NAV3: variants seen among roughly 807,000 people sequenced by gnomAD.
NAV3 encodes pore membrane and/or filament interacting like protein 1.
A neutral mutation model predicts 244.7 loss-of-function variants in NAV3; 87 were observed. That is an observed-to-expected ratio of 0.36 (90% CI 0.30 to 0.42). The LOEUF (loss-of-function observed/expected upper bound fraction) is 0.42, where lower values mean the gene tolerates loss of function less well. Among genes scored for constraint, NAV3 ranks in the 20% least tolerant of loss-of-function variants. The pLI, the probability that NAV3 is intolerant of heterozygous loss-of-function variation, is 1.00. For missense variants in NAV3, 2,663 were observed against 2,893.3 expected (o/e 0.92, Z 1.83); for synonymous variants, 1,126 against 1,042.2 (o/e 1.08, Z -1.55).
chr12:78,013,744 A>T lies in NAV3; in HGVS notation c.1907+6299A>T, dbSNP rs1875703113. Among the ~76,000 whole-genome samples the T allele has an allele frequency of 3.3e-5, 5 of 152,234 alleles. No homozygotes were observed. In the South Asian group the frequency reaches 1.0e-3, roughly 32 times the overall value. ...ATGGATTGTTTGTGGGAGAGGTCAG[A>T]GTAGGATGAACCAGGTTAAATGTAT... On this transcript the variant is annotated intron_variant, in intron 8 of 39. Coordinates refer to ENST00000397909, the MANE Select transcript of NAV3 (RefSeq NM_001024383.2).
chr12:77,579,754 G>A (rs989064127), intron 2 of NAV3, among the ~76,000 whole-genome samples: 1 of 152,160 alleles, frequency 6.6e-6, no homozygotes, highest in Non-Finnish European at 1.5e-5. Flanking sequence ...GATGAAACTA[G>A]CAATGTCTTT....
chr12:77,610,093 C>T (rs775067270), intron 2 of NAV3, among the ~76,000 whole-genome samples: 7 of 151,972 alleles, frequency 4.6e-5, no homozygotes, highest in Non-Finnish European at 8.8e-5. Context: ...TTTGTTTAAT[C>T]TCACAAGGCG....
chr12:77,742,991 C>G (rs1868367404), intron 2 of NAV3, among the ~76,000 whole-genome samples: 1 of 151,966 alleles, frequency 6.6e-6, no homozygotes, highest in Non-Finnish European at 1.5e-5. Context: ...GCTGGAAGTG[C>G]TCCCAAGAAG....
rs1314496059 is a variant in NAV3 at position 77,644,555 on chromosome 12, T to C, written c.72+72289T>C. 2.0e-5 allele frequency among the ~76,000 whole-genome samples: 3 copies of C among 152,104 alleles called. No homozygotes were observed. In the East Asian group the frequency reaches 5.8e-4, roughly 29 times the overall value. On this transcript the variant is annotated intron_variant, in intron 2 of 8. Transcript: ENST00000550042. The stretch of plus-strand genomic sequence containing the variant: ...TATATGTACATACACAGCCTAAATG[T>C]CAGCTTTTAATTGTTGACTTTTGAC...
intron 23 of NAV3, 132 bp from the exon 24 acceptor site, chr12:78,168,623 G>A: frequency 1.7e-6 from 1 of 583,504 alleles, no homozygotes; most frequent in Non-Finnish European, 3.1e-6. Context: ...AGCTTGACAA[G>A]TTCAGCTAAG....
intron 2 of NAV3, among the ~76,000 whole-genome samples, chr12:77,679,545 T>TA (rs112744520): frequency 0.081 from 11,949 of 147,972 alleles, 654 homozygotes; most frequent in African/African-American, 0.17. Flanking sequence ...AGAGGACAGT[T>TA]AAAAAAAAAA....
In NAV3 at chr12:78,119,853, A is replaced by G; in HGVS notation, c.3657A>G (p.Lys1219=). The change falls in exon 15 of 40, where the codon AAA becomes AAG. Residue 1219 remains lysine (K), a synonymous_variant. Transcript: ENST00000397909. ...SESVSLSGSP[K]SSPTSASACG... ...GTGTTTCTTTGTCAGGTTCCCCCAA[A>G]TCCAGCCCCACCTCTGCCAGCGCCT... The G allele has an allele frequency of 6.2e-7, 1 of 1,614,114 alleles. No individual in the cohort carries two copies. Among genetic ancestry groups the G allele is most frequent in the Non-Finnish European group, 8.5e-7 (1 of 1,180,008 alleles).
At chr12:78,077,861 C>T (rs1253998771) in intron 12 of NAV3, among the ~76,000 whole-genome samples, 1 of 152,184 alleles carries the variant, frequency 6.6e-6, no homozygotes, top group African/African-American at 2.4e-5. Context: ...TCGCTTGAAC[C>T]TGGGAGGCGG....
At chr12:77,900,221 C>A (rs916119041) in intron 1 of NAV3, among the ~76,000 whole-genome samples, 1 of 151,886 alleles carries the variant, frequency 6.6e-6, no homozygotes, top group Non-Finnish European at 1.5e-5. Context: ...GGACTACAGG[C>A]GCCCGCCACC....
intron 2 of NAV3, among the ~76,000 whole-genome samples, chr12:77,770,350 A>G (rs1177801043): frequency 2.0e-5 from 3 of 152,192 alleles, no homozygotes; most frequent in African/African-American, 4.8e-5. Flanking sequence ...CGGCTGAGTT[A>G]GAGACCTCCC....
intron 9 of NAV3, among the ~76,000 whole-genome samples, chr12:78,047,133 G>A (rs774568851): frequency 3.2e-4 from 49 of 152,000 alleles, no homozygotes; most frequent in African/African-American, 4.6e-4. Flanking sequence ...GTCTTTGCAC[G>A]TGAAGCTTAT....
intron 2 of NAV3, among the ~76,000 whole-genome samples, chr12:77,748,017 AAAACTT>A (rs1007268089): frequency 3.3e-5 from 5 of 152,214 alleles, no homozygotes; most frequent in African/African-American, 1.2e-4. Context: ...CGTGTACCCT[AAAACTT>A]AAAGTATAAT....
intron 1 of NAV3, among the ~76,000 whole-genome samples, chr12:77,848,252 G>A (rs1188203257): frequency 2.0e-5 from 3 of 152,164 alleles, no homozygotes; most frequent in African/African-American, 7.2e-5. Flanking sequence ...AACAACACTT[G>A]GATTTCCTGG....
intron 39 of NAV3, among the ~76,000 whole-genome samples, chr12:78,206,405 G>GT (rs1215445886): frequency 6.6e-6 from 1 of 152,140 alleles, no homozygotes; most frequent in Non-Finnish European, 1.5e-5. Context: ...TAGAATATGA[G>GT]TATGGATTAT....
At chr12:77,591,443 G>T (rs1869898524) in intron 2 of NAV3, among the ~76,000 whole-genome samples, 1 of 152,172 alleles carries the variant, frequency 6.6e-6, no homozygotes, top group Non-Finnish European at 1.5e-5. Context: ...AAACTCCAAA[G>T]TTGGAGACAT....
rs1405992226 is a variant in NAV3, at chr12:78,197,345, T to C, written c.6390T>C (p.His2130=). The change falls in exon 35 of 40, where the codon CAT becomes CAC. Residue 2130 remains histidine, a synonymous_variant. Coordinates refer to ENST00000397909, the MANE Select transcript of NAV3 (RefSeq NM_001024383.2). ...PVVIILDNLH[H]VGSLSDIFNG... The stretch of plus-strand genomic sequence containing the variant: ...TAATAATTCTTGATAATCTTCATCA[T>C]GTGGGCTCTCTGAGTGATATCTTCA... 2 of 1,609,032 alleles carry C rather than the reference T, an allele frequency of 1.2e-6. No individual in the cohort carries two copies. The highest frequency in any genetic ancestry group is 2.2e-5 in the East Asian group (1 of 44,630).
intron 12 of NAV3, among the ~76,000 whole-genome samples, chr12:78,115,232 T>C (rs1955314905): frequency 6.6e-6 from 1 of 152,200 alleles, no homozygotes. Flanking sequence ...ACTTAGCTTT[T>C]GTCTGTATAT....
At chr12:77,649,374 G>A (rs1872729666) in intron 2 of NAV3, among the ~76,000 whole-genome samples, 1 of 152,100 alleles carries the variant, frequency 6.6e-6, no homozygotes, top group Non-Finnish European at 1.5e-5. Context: ...TGTAAACCCT[G>A]TATGGTAATA....
At chr12:77,640,667 A>G (rs1872369289) in intron 2 of NAV3, among the ~76,000 whole-genome samples, 1 of 152,150 alleles carries the variant, frequency 6.6e-6, no homozygotes, top group African/African-American at 2.4e-5. Context: ...GTATACTGAA[A>G]ATTTGCTGAG....
Sources: allele counts gnomAD v4.1 joint callset (sites outside exome capture counted in the v4.1 genomes callset), GRCh38; gene constraint gnomAD v4.1.1; transcripts MANE v1.5; gene names NCBI Gene and HGNC (gene_info 2026-07-23, HGNC 2026-07-21).